TNR: variants seen among roughly 807,000 people sequenced by gnomAD.
TNR encodes the protein tenascin-R.
TNR carries 45 observed loss-of-function variants against 150.4 expected under a neutral mutation model. That is an observed-to-expected ratio of 0.30 (90% confidence interval 0.24 to 0.38). The LOEUF is 0.38. TNR is among the 10% of genes least tolerant of loss of function. The pLI, the probability that TNR is intolerant of heterozygous loss-of-function variation, is 1.00. For synonymous variants in TNR, 687 were observed against 678.4 expected (o/e 1.01, Z -0.20); for missense variants, 1,544 against 1,759.1 (o/e 0.88, Z 2.19).
intron 1 of TNR, among the ~76,000 whole-genome samples, chr1:175,673,975 C>A (rs1558066476): frequency 6.6e-6 from 1 of 152,316 alleles, no homozygotes; most frequent in East Asian, 1.9e-4. Flanking sequence ...CCTAAACTTC[C>A]CCTTCACCCT....
intron 12 of TNR, 112 bp downstream of exon 12, chr1:175,364,898 A>T: frequency 7.5e-7 from 1 of 1,336,306 alleles, no homozygotes; most frequent in Non-Finnish European, 1.0e-6. Context: ...TTCTCTAGCC[A>T]TAGAGGAAAT....
At chr1:175,386,898 T>C (rs1384698826) in intron 7 of TNR, among the ~76,000 whole-genome samples, 1 of 152,218 alleles carries the variant, frequency 6.6e-6, no homozygotes, top group Non-Finnish European at 1.5e-5. Flanking sequence ...AACTTGCTTC[T>C]CTGGATAAAA....
At chr1:175,335,675 G>A in intron 20 of TNR, 36 bp downstream of exon 20, 1 of 1,580,566 alleles carries the variant, frequency 6.3e-7, no homozygotes, top group South Asian at 1.1e-5. Context: ...AAAAGCCAGA[G>A]AAGCACATCA....
intron 1 of TNR, among the ~76,000 whole-genome samples, chr1:175,648,215 G>A (rs1217890292): frequency 1.3e-5 from 2 of 152,086 alleles, no homozygotes; most frequent in Admixed American, 1.3e-4. Flanking sequence ...TTGAGACTGA[G>A]GACAATGCCG....
At chr1:175,686,912 C>G (rs780993201) in intron 1 of TNR, among the ~76,000 whole-genome samples, 11 of 152,154 alleles carry the variant, frequency 7.2e-5, no homozygotes, top group Non-Finnish European at 1.3e-4. Flanking sequence ...TAAGTTGATT[C>G]CATGACTTTG....
intron 7 of TNR, among the ~76,000 whole-genome samples, chr1:175,388,998 C>T (rs750378391): frequency 5.9e-5 from 9 of 152,148 alleles, no homozygotes; most frequent in Admixed American, 4.6e-4. Flanking sequence ...TCTTATGAAC[C>T]ATCTTCTCCT....
At chr1:175,518,447 A>G (rs1339755482) in intron 2 of TNR, among the ~76,000 whole-genome samples, 2 of 152,088 alleles carry the variant, frequency 1.3e-5, no homozygotes, top group South Asian at 4.1e-4. Context: ...ATACCATCAC[A>G]AGGCTCCTGA....
At position 175,449,297 on chromosome 1, in the gene TNR, C is replaced by T. The variant is rs553626959; in HGVS notation, c.-63-42520G>A. Among the ~76,000 whole-genome samples the T allele has an allele frequency of 8.9e-4, 136 of 152,362 alleles. 1 individual carries two copies. The Middle Eastern group carries it at 0.01, about 11-fold the overall frequency. Reference sequence around the variant, plus strand: ...AAACACATATGCATGCATGTGCACACACAGATGCATGTGTGTGCATGCACA... The same window carrying T: ...AAACACATATGCATGCATGTGCACATACAGATGCATGTGTGTGCATGCACA... On this transcript the variant is annotated intron_variant, in intron 2 of 22. Coordinates refer to ENST00000367674, the MANE Select transcript of TNR (RefSeq NM_003285.3).
At chr1:175,623,413 C>T (rs1350521719) in intron 1 of TNR, among the ~76,000 whole-genome samples, 1 of 152,190 alleles carries the variant, frequency 6.6e-6, no homozygotes, top group Non-Finnish European at 1.5e-5. Flanking sequence ...GTTCCTAATG[C>T]TGTGAATCAG....
chr1:175,703,982 T>C (rs146914936), intron 1 of TNR, among the ~76,000 whole-genome samples: 1 of 152,326 alleles, frequency 6.6e-6, no homozygotes, highest in African/African-American at 2.4e-5. Flanking sequence ...AAAGAGGACT[T>C]TATTTCTTTG....
At chr1:175,621,107 G>A (rs1663960876) in intron 1 of TNR, among the ~76,000 whole-genome samples, 1 of 152,196 alleles carries the variant, frequency 6.6e-6, no homozygotes, top group Non-Finnish European at 1.5e-5. Flanking sequence ...GTTAACTGCA[G>A]GAGGGTGGAG....
chr1:175,616,347 C>G (rs1221251444), intron 1 of TNR, among the ~76,000 whole-genome samples: 1 of 152,172 alleles, frequency 6.6e-6, no homozygotes, highest in Non-Finnish European at 1.5e-5. Flanking sequence ...CAGGAGATGT[C>G]ACATGTCTCC....
chr1:175,428,778 CG>C (rs1655129549), intron 2 of TNR, among the ~76,000 whole-genome samples: 1 of 152,108 alleles, frequency 6.6e-6, no homozygotes, highest in Non-Finnish European at 1.5e-5. Context: ...TCTCATTTTA[CG>C]TAAGTGGAAA....
chr1:175,569,277 G>A (rs1337942174), intron 1 of TNR, among the ~76,000 whole-genome samples: 1 of 152,170 alleles, frequency 6.6e-6, no homozygotes, highest in African/African-American at 2.4e-5. Context: ...CGCTTCAAGA[G>A]TGCTCTCCAC....
chr1:175,664,543 G>GA (rs1308504570), intron 1 of TNR, among the ~76,000 whole-genome samples: 2 of 152,158 alleles, frequency 1.3e-5, no homozygotes, highest in Admixed American at 6.5e-5. Context: ...AGGCTACTCT[G>GA]AAAAAATCAG....
chr1:175,538,729 C>T (rs554846212), intron 1 of TNR: 1 of 152,206 alleles, frequency 6.6e-6, no homozygotes, highest in African/African-American at 2.4e-5. Context: ...CGATACCCCT[C>T]CACATACACA....
At chr1:175,354,282 C>A (rs887997952) in intron 18 of TNR, 109 bp downstream of exon 18, 1 of 1,433,568 alleles carries the variant, frequency 7.0e-7, no homozygotes, top group African/African-American at 1.4e-5. Flanking sequence ...GAGGAGGCAA[C>A]TGAGCTTTTT....
intron 1 of TNR, among the ~76,000 whole-genome samples, chr1:175,535,701 A>G (rs193170057): frequency 1.7e-4 from 26 of 151,422 alleles, no homozygotes; most frequent in Non-Finnish European, 2.8e-4. Flanking sequence ...ACTTTGGTAT[A>G]ATGTTTATAT....
At chr1:175,394,225 T>A in intron 5 of TNR, among the ~76,000 whole-genome samples, 1 of 152,070 alleles carries the variant, frequency 6.6e-6, no homozygotes, top group East Asian at 1.9e-4. Context: ...TCTTGGCATA[T>A]CATATATAGT....
Sources: allele counts gnomAD v4.1 joint callset (sites outside exome capture counted in the v4.1 genomes callset), GRCh38; gene constraint gnomAD v4.1.1; transcripts MANE v1.5; gene names NCBI Gene and HGNC (gene_info 2026-07-23, HGNC 2026-07-21).